Variants in SEMA3D observed in about 807,000 individuals in gnomAD.
SEMA3D encodes the protein semaphorin 3D, also known as semaphorin-3D.
Under a neutral mutation model 100.1 loss-of-function variants are expected in SEMA3D, and 84 were observed. The ratio of observed to expected loss-of-function variants is 0.84; its 90% confidence interval spans 0.70 to 1.01. The LOEUF (loss-of-function observed/expected upper bound fraction) is 1.01. Among genes scored for constraint, SEMA3D ranks in the 50% least tolerant of loss-of-function variants. The pLI is 0.00. For synonymous variants in SEMA3D, 312 were observed against 320.7 expected, an observed-to-expected ratio of 0.97 and a Z score of 0.29; for missense variants, 875 against 934.1, an observed-to-expected ratio of 0.94 and a Z score of 0.82.
chr7:85,091,530 G>A (rs1046307911), intron 4 of SEMA3D, among the ~76,000 whole-genome samples: 2 of 151,558 alleles, frequency 1.3e-5, no homozygotes, highest in African/African-American at 2.4e-5. Context: ...GAAAGAGGGA[G>A]GGGAAGACTT....
chr7:85,168,820 TGAAAGAA>T (rs1472711961), intron 1 of SEMA3D, among the ~76,000 whole-genome samples: 35 of 121,070 alleles, frequency 2.9e-4, no homozygotes, highest in Non-Finnish European at 5.3e-4. Flanking sequence ...GAAAGAAAGA[TGAAAGAA>T]AGAAAGAAAG....
the SEMA3D span, among the ~76,000 whole-genome samples, chr7:85,200,882 C>T: frequency 6.6e-6 from 1 of 152,150 alleles, no homozygotes; most frequent in Non-Finnish European, 1.5e-5. Flanking sequence ...TCAGCTGTGG[C>T]TGAAAGGGGC....
chr7:85,133,907 A>G (rs1192455828), intron 2 of SEMA3D, among the ~76,000 whole-genome samples: 1 of 152,010 alleles, frequency 6.6e-6, no homozygotes, highest in Non-Finnish European at 1.5e-5. Context: ...GGACTATGAT[A>G]GCAAGTATTT....
chr7:85,202,629 TCAAA>T, the SEMA3D span, among the ~76,000 whole-genome samples: 4 of 151,980 alleles, frequency 2.6e-5, no homozygotes, highest in Admixed American at 2.0e-4. Flanking sequence ...TACAATGAAC[TCAAA>T]CAAGTTTACA....
intron 4 of SEMA3D, among the ~76,000 whole-genome samples, chr7:85,082,988 C>A (rs967820976): frequency 4.7e-4 from 71 of 152,298 alleles, no homozygotes; most frequent in African/African-American, 1.7e-3. Flanking sequence ...TATCACACAA[C>A]TTTAAATAGT....
intron 9 of SEMA3D, 50 bp from the exon 10 acceptor site, chr7:85,042,335 C>T (rs1381692249): frequency 2.2e-6 from 3 of 1,336,406 alleles, no homozygotes; most frequent in Non-Finnish European, 3.2e-6. Flanking sequence ...ACAATTCTAC[C>T]ACTCACTAAA....
intron 6 of SEMA3D, among the ~76,000 whole-genome samples, 179 bp from the exon 7 acceptor site, chr7:85,068,463 C>G (rs1010760016): frequency 6.6e-5 from 10 of 152,080 alleles, no homozygotes; most frequent in African/African-American, 2.2e-4. Context: ...GACTTAATAA[C>G]CATGTTTTGG....
intron 14 of SEMA3D, among the ~76,000 whole-genome samples, chr7:85,019,601 GA>G (rs931146158): frequency 2.0e-5 from 3 of 151,384 alleles, no homozygotes; most frequent in African/African-American, 7.3e-5. Context: ...GTTTTTCTGA[GA>G]AAAAAAGTAT....
chr7:85,093,929 A>G (rs1788473984), intron 4 of SEMA3D, among the ~76,000 whole-genome samples: 1 of 152,020 alleles, frequency 6.6e-6, no homozygotes, highest in South Asian at 2.1e-4. Context: ...CGTGAAGAAC[A>G]CTTAAATTTC....
chr7:85,052,353 T>G (rs1278513309), intron 9 of SEMA3D, among the ~76,000 whole-genome samples: 1 of 151,934 alleles, frequency 6.6e-6, no homozygotes, highest in Non-Finnish European at 1.5e-5. Flanking sequence ...ACAAAACTTC[T>G]TATCAACCAA....
intron 2 of SEMA3D, among the ~76,000 whole-genome samples, chr7:85,136,443 A>G (rs1336091182): frequency 6.6e-6 from 1 of 152,132 alleles, no homozygotes; most frequent in Non-Finnish European, 1.5e-5. Context: ...CAAATATTGC[A>G]TTTGATTTAT....
the SEMA3D span, among the ~76,000 whole-genome samples, chr7:85,217,759 T>C: frequency 6.6e-6 from 1 of 152,086 alleles, no homozygotes; most frequent in Non-Finnish European, 1.5e-5. Context: ...ATTTGTTTCT[T>C]TGATATAGGT....
chr7:85,094,793 G>A (rs1788501829), intron 4 of SEMA3D, among the ~76,000 whole-genome samples: 1 of 151,920 alleles, frequency 6.6e-6, no homozygotes, highest in Non-Finnish European at 1.5e-5. Context: ...GTATTCCCTA[G>A]CCGAAGAGAG....
intron 2 of SEMA3D, among the ~76,000 whole-genome samples, chr7:85,124,750 G>A (rs1422327445): frequency 6.6e-6 from 1 of 152,068 alleles, no homozygotes; most frequent in African/African-American, 2.4e-5. Context: ...GGCTATGAGA[G>A]GGAAGAGAAT....
chr7:85,111,696 T>C (rs191214195), intron 3 of SEMA3D, among the ~76,000 whole-genome samples: 1 of 152,212 alleles, frequency 6.6e-6, no homozygotes, highest in Non-Finnish European at 1.5e-5. Context: ...CATGTCAGAC[T>C]GTGCTCAAAA....
At chr7:85,146,517 G>A (rs1033126393) in intron 2 of SEMA3D, among the ~76,000 whole-genome samples, 23 of 151,296 alleles carry the variant, frequency 1.5e-4, no homozygotes, top group Admixed American at 6.6e-5. Flanking sequence ...TTGGGCCACT[G>A]CACTCCAGCC....
chr7:85,231,611 C>T, the SEMA3D span, among the ~76,000 whole-genome samples: 11 of 151,984 alleles, frequency 7.2e-5, no homozygotes, highest in Non-Finnish European at 8.8e-5. Flanking sequence ...CCACCACACC[C>T]GGCTAATTTT....
chr7:85,249,926 C>T, the SEMA3D span, among the ~76,000 whole-genome samples: 8 of 152,126 alleles, frequency 5.3e-5, no homozygotes, highest in South Asian at 2.1e-4. Context: ...ACGCAGAAGA[C>T]GGGTGATTTC....
rs1789569578 is a variant in SEMA3D, at chr7:84,998,769, TTC to T, written c.*669_*670del. 1.3e-5 allele frequency: 2 copies of T among 152,390 alleles called. No homozygotes were observed. The highest frequency in any genetic ancestry group is 4.1e-4 in the South Asian group (2 of 4,850). 9.4% of individuals were successfully genotyped at this position (152,390 alleles called of 1,614,324 possible). On this transcript the variant is annotated 3_prime_UTR_variant, in exon 19 of 19. Coordinates refer to ENST00000284136, the MANE Select transcript of SEMA3D (RefSeq NM_001384900.1). ...AAAAAACACATAACTAAGCACCAAC[TTC>T]TCTCTGTGAACCTGTTACTCCTGAC...
Sources: allele counts gnomAD v4.1 joint callset (sites outside exome capture counted in the v4.1 genomes callset), GRCh38; gene constraint gnomAD v4.1.1; transcripts MANE v1.5; gene names NCBI Gene and HGNC (gene_info 2026-07-23, HGNC 2026-07-21).